Variants in XKR6 observed in about 807,000 individuals in gnomAD.
The protein encoded by XKR6 is XK related 6.
XKR6 carries 22 observed loss-of-function variants against 56.7 expected under a neutral mutation model. That is an observed-to-expected ratio of 0.39 (90% confidence interval 0.28 to 0.55). The LOEUF (loss-of-function observed/expected upper bound fraction) is 0.55, where lower values mean the gene tolerates loss of function less well. XKR6 is among the 20% of genes least tolerant of loss of function. The pLI, the probability that XKR6 is intolerant of heterozygous loss-of-function variation, is 0.66. For missense variants in XKR6, 852 were observed against 889.0 expected (o/e 0.96, Z 0.53); for synonymous variants, 524 against 387.8 (o/e 1.35, Z -4.13).
chr8:10,898,510 C>A lies in XKR6; in HGVS notation c.1368G>T (p.Leu456Phe). The A allele has an allele frequency of 6.2e-7, 1 of 1,614,042 alleles. No individual in the cohort carries two copies. Residue 456 changes from leucine to phenylalanine, a missense_variant, in exon 3 of 3, where the codon TTG becomes TTT. Around this residue, in one of 4 missense-constraint regions of XKR6, gnomAD observed 197 missense variants for 190.9 expected, o/e 1.03. Coordinates refer to ENST00000416569, the MANE Select transcript of XKR6 (RefSeq NM_173683.4). This position sits in a 1 kb window ranked among gnomAD's most constrained non-coding sequence, Gnocchi z 6.6. The part of the protein sequence containing the change: ...YTIVLTENAA[L>F]TFLWYFYRDP... ...CTCTGTAAAAATACCAAAGGAACGT[C>A]AAGGCAGCATTCTCGGTCAAGACTA...
rs185393304 is a variant in XKR6 at position 10,932,463 on chromosome 8, T to G, written c.765-7633A>C. On this transcript the variant is annotated intron_variant, in intron 1 of 2. Coordinates refer to ENST00000416569, the MANE Select transcript of XKR6 (RefSeq NM_173683.4). Reference sequence around the variant, plus strand: ...ATTATACTTTAAATTTTAGGGTACATGTGCACATCGTGCAGGTTAGTTACA... The same window carrying G: ...ATTATACTTTAAATTTTAGGGTACAGGTGCACATCGTGCAGGTTAGTTACA... Among the ~76,000 whole-genome samples, 332 of 149,966 alleles carry G rather than the reference T, an allele frequency of 2.2e-3. 4 individuals are homozygous for G. Among genetic ancestry groups the G allele is most frequent in the African/African-American group, 7.4e-3 (302 of 40,576 alleles).
intron 1 of XKR6, 125 bp from the exon 2 acceptor site, chr8:10,924,955 C>A: frequency 9.2e-7 from 1 of 1,085,166 alleles, no homozygotes; most frequent in South Asian, 1.6e-5. Flanking sequence ...CTGAAGTTCC[C>A]AGAGGCTTGG....
intron 1 of XKR6, among the ~76,000 whole-genome samples, chr8:11,090,952 C>T (rs1164443296): frequency 6.6e-6 from 1 of 152,120 alleles, no homozygotes; most frequent in Admixed American, 6.5e-5. Flanking sequence ...CTGTGTGCTA[C>T]GTTAACCCAG....
At chr8:11,046,350 A>G (rs1408553330) in intron 1 of XKR6, among the ~76,000 whole-genome samples, 4 of 152,216 alleles carry the variant, frequency 2.6e-5, no homozygotes, top group African/African-American at 9.7e-5. Flanking sequence ...CAATGAGCCG[A>G]GGTTGTACCA....
chr8:10,937,590 C>T (rs375506951), intron 1 of XKR6, among the ~76,000 whole-genome samples: 19,253 of 147,480 alleles, frequency 0.13, 960 homozygotes, highest in Non-Finnish European at 0.17. Flanking sequence ...GTGTGGATGT[C>T]CTTTCTGTTT....
intron 1 of XKR6, among the ~76,000 whole-genome samples, chr8:11,132,367 T>C (rs1392740238): frequency 6.6e-6 from 1 of 151,982 alleles, no homozygotes; most frequent in Non-Finnish European, 1.5e-5. Flanking sequence ...CTTTTTCTTT[T>C]TTTTTCCCCC....
chr8:11,057,989 G>C (rs1255042355), intron 1 of XKR6, among the ~76,000 whole-genome samples: 1 of 152,236 alleles, frequency 6.6e-6, no homozygotes, highest in African/African-American at 2.4e-5. Flanking sequence ...CTTGTCATAT[G>C]TCTGTGGCAC....
chr8:10,985,480 A>G (rs1797840980), intron 1 of XKR6, among the ~76,000 whole-genome samples: 1 of 152,086 alleles, frequency 6.6e-6, no homozygotes, highest in Non-Finnish European at 1.5e-5. Context: ...AGGTGTGTCT[A>G]ATTCTAAAGC....
intron 1 of XKR6, among the ~76,000 whole-genome samples, chr8:10,964,197 C>G (rs542396872): frequency 6.6e-6 from 1 of 152,154 alleles, no homozygotes; most frequent in African/African-American, 2.4e-5. Flanking sequence ...CTCCTGTATC[C>G]TGGGGGAAGA....
chr8:11,005,201 A>G lies in XKR6; in HGVS notation c.765-80371T>C, dbSNP rs534230332. ...AGGGATGATTCACATCCCAAGCAGAATGACGCAAGATTTCATCATGCTGCT... is the reference window on the plus strand; with the variant it reads ...AGGGATGATTCACATCCCAAGCAGAGTGACGCAAGATTTCATCATGCTGCT... On this transcript the variant is annotated intron_variant, in intron 1 of 2. Transcript: ENST00000416569. Among the ~76,000 whole-genome samples the G allele has an allele frequency of 1.6e-4, 24 of 152,082 alleles. No homozygotes were observed. The South Asian group carries it at 5.0e-3, about 32-fold the overall frequency.
chr8:11,104,502 C>A (rs558764447), intron 1 of XKR6, among the ~76,000 whole-genome samples: 2 of 152,348 alleles, frequency 1.3e-5, no homozygotes, highest in African/African-American at 4.8e-5. Context: ...TGAAGGCAAT[C>A]GCCACACAGC....
intron 1 of XKR6, among the ~76,000 whole-genome samples, chr8:11,072,039 C>A (rs1455478847): frequency 1.3e-5 from 2 of 152,178 alleles, no homozygotes; most frequent in African/African-American, 4.8e-5. Context: ...TGTCCAAAAG[C>A]CAGTGTGTGG....
intron 2 of XKR6, among the ~76,000 whole-genome samples, chr8:10,914,266 C>G (rs1252050384): frequency 6.6e-6 from 1 of 152,118 alleles, no homozygotes; most frequent in African/African-American, 2.4e-5. Flanking sequence ...GGGAGTCACT[C>G]TGGTGTCCCT....
chr8:11,101,096 GGTA>G (rs1304455399), intron 1 of XKR6, among the ~76,000 whole-genome samples: 2 of 152,186 alleles, frequency 1.3e-5, no homozygotes, highest in Non-Finnish European at 2.9e-5. Flanking sequence ...AATGCTCACG[GGTA>G]GTATTTGCAG....
chr8:11,111,619 G>A (rs1216197044), intron 1 of XKR6: 1 of 152,130 alleles, frequency 6.6e-6, no homozygotes, highest in Non-Finnish European at 1.5e-5. Context: ...TGGGAAAAAT[G>A]AGGTTCATAA....
chr8:11,044,909 C>T (rs559787548), intron 1 of XKR6, among the ~76,000 whole-genome samples: 6 of 151,526 alleles, frequency 4.0e-5, no homozygotes, highest in Non-Finnish European at 7.4e-5. Flanking sequence ...TGAGCCACTG[C>T]ACCCAGCCAA....
At chr8:10,984,695 GCT>G (rs61138077) in intron 1 of XKR6, among the ~76,000 whole-genome samples, 11,031 of 55,920 alleles carry the variant, frequency 0.2, 1,243 homozygotes, top group Admixed American at 0.32. Context: ...AAAATACATG[GCT>G]CTCTCTCTCT....
At chr8:11,007,734 T>A (rs1338411221) in intron 1 of XKR6, among the ~76,000 whole-genome samples, 1 of 151,910 alleles carries the variant, frequency 6.6e-6, no homozygotes, top group Non-Finnish European at 1.5e-5. Context: ...GCTGTAAGGG[T>A]TGGGGGTGGA....
chr8:10,952,465 T>C (rs1801755812), intron 1 of XKR6, among the ~76,000 whole-genome samples: 1 of 152,166 alleles, frequency 6.6e-6, no homozygotes, highest in Non-Finnish European at 1.5e-5. Flanking sequence ...TTTCTTTTCT[T>C]TTGTTTGAGA....
Sources: allele counts gnomAD v4.1 joint callset (sites outside exome capture counted in the v4.1 genomes callset), GRCh38; gene constraint gnomAD v4.1.1; regional missense constraint gnomAD v4.1.1; non-coding constraint Gnocchi (gnomAD v3.1); transcripts MANE v1.5; gene names NCBI Gene and HGNC (gene_info 2026-07-23, HGNC 2026-07-21).